The following LZTS1 variants were observed in gnomAD, a reference collection of about 807,000 sequenced individuals.
The protein encoded by LZTS1 is leucine zipper tumor suppressor 1, also known as leucine zipper putative tumor suppressor 1.
In LZTS1, 31 loss-of-function variants were observed where a neutral mutation model predicts 45.8. The ratio of observed to expected loss-of-function variants is 0.68; its 90% CI spans 0.51 to 0.91. The LOEUF is 0.91. Among genes scored for constraint, LZTS1 ranks in the 40% least tolerant of loss-of-function variants. The pLI is 0.00. For synonymous variants in LZTS1, 359 were observed against 357.3 expected, an observed-to-expected ratio of 1.00 and a Z score of -0.05; for missense variants, 821 against 788.9, an observed-to-expected ratio of 1.04 and a Z score of -0.49.
rs900477249 is a variant in LZTS1 at position 20,250,984 on chromosome 8, C to A, written c.1150-621G>T. 2.6e-5 allele frequency among the ~76,000 whole-genome samples: 4 copies of A among 150,992 alleles called. 1 individual carries two copies. In the East Asian group the frequency reaches 7.8e-4, roughly 29 times the overall value. Reference sequence around the variant, plus strand: ...CAAGCCATACATTTGCTCATCTATTCCTTACAACCCGATGAAGTAGGTACT... The same window carrying A: ...CAAGCCATACATTTGCTCATCTATTACTTACAACCCGATGAAGTAGGTACT... On this transcript the variant is annotated intron_variant, in intron 3 of 3. Transcript: ENST00000381569.
chr8:20,259,766 G>C (rs568786160), intron 1 of LZTS1, among the ~76,000 whole-genome samples: 3 of 152,240 alleles, frequency 2.0e-5, no homozygotes, highest in South Asian at 4.1e-4. Flanking sequence ...CTCAACTTGA[G>C]TCTCATGTCT....
At chr8:20,302,662 G>A (rs1476680460) in intron 1 of LZTS1, among the ~76,000 whole-genome samples, 2 of 152,188 alleles carry the variant, frequency 1.3e-5, no homozygotes, top group African/African-American at 4.8e-5. Flanking sequence ...AGAACTCAGT[G>A]CCTCCTCAGT....
Position 20,255,237 on chromosome 8 carries a change from G to T in LZTS1, c.-56C>A, listed in dbSNP as rs1800069130. ...CGGGCAGGGTCTTGGAAAGGCTGTGGCAGCAAGGGGCAGTCGTGGCTCCGT... is the reference window on the plus strand; with the variant it reads ...CGGGCAGGGTCTTGGAAAGGCTGTGTCAGCAAGGGGCAGTCGTGGCTCCGT... On this transcript the variant is annotated 5_prime_UTR_variant, in exon 2 of 4. Transcript: ENST00000381569. 3 of 1,549,560 alleles carry T rather than the reference G, an allele frequency of 1.9e-6. No homozygotes were observed. Among genetic ancestry groups the T allele is most frequent in the Admixed American group, 1.8e-5 (1 of 54,848 alleles).
intron 1 of LZTS1, among the ~76,000 whole-genome samples, chr8:20,275,314 A>G (rs1331461682): frequency 6.7e-6 from 1 of 150,162 alleles, no homozygotes; most frequent in Non-Finnish European, 1.5e-5. Context: ...AGGCAGGAGA[A>G]TCACTTGAAC....
At chr8:20,294,103 G>C (rs1036920749) in intron 1 of LZTS1, among the ~76,000 whole-genome samples, 5 of 152,168 alleles carry the variant, frequency 3.3e-5, no homozygotes, top group Non-Finnish European at 5.9e-5. Flanking sequence ...CTGAGGTGTT[G>C]TGTTTGCATG....
At chr8:20,252,717 A>T (rs150641386) in intron 3 of LZTS1, 65 bp downstream of exon 3, 1 of 1,409,426 alleles carries the variant, frequency 7.1e-7, no homozygotes, top group Non-Finnish European at 9.5e-7. Context: ...CGGCACCAGA[A>T]GGAGAGGGGG....
Position 20,250,265 on chromosome 8 carries a change from C to T in LZTS1, c.1248G>A (p.Lys416=). 1 of 1,613,922 alleles carries T rather than the reference C, an allele frequency of 6.2e-7. No homozygotes were observed. Among genetic ancestry groups the T allele is most frequent in the Admixed American group, 1.7e-5 (1 of 60,038 alleles). The part of the protein sequence containing the change: ...NAKASEILGL[K]AQLKDTRGKL... ...TGCCCCGCGTGTCCTTCAGCTGTGC[C>T]TTGAGACCCAGGATCTCGCTAGCCT... The change falls in exon 4 of 4, where the codon AAG becomes AAA. Residue 416 remains lysine, a synonymous_variant. Coordinates refer to ENST00000381569, the MANE Select transcript of LZTS1 (RefSeq NM_021020.5).
At chr8:20,255,614 C>G (rs1800080172) in intron 1 of LZTS1, among the ~76,000 whole-genome samples, 1 of 152,088 alleles carries the variant, frequency 6.6e-6, no homozygotes, top group Admixed American at 6.5e-5. Flanking sequence ...AGAAGCAAAC[C>G]AATGTATACT....
intron 1 of LZTS1, among the ~76,000 whole-genome samples, chr8:20,284,203 C>T (rs892401045): frequency 5.9e-5 from 9 of 152,190 alleles, no homozygotes; most frequent in African/African-American, 2.2e-4. Flanking sequence ...GATCAGCAAA[C>T]AAACACGCTT....
At chr8:20,268,419 A>T (rs1278769900) in intron 1 of LZTS1, among the ~76,000 whole-genome samples, 1 of 150,934 alleles carries the variant, frequency 6.6e-6, no homozygotes, top group African/African-American at 2.4e-5. Flanking sequence ...CCCTCCCCCC[A>T]TACATACTCT....
rs190675749 is a variant in LZTS1, at chr8:20,298,022, T to G, written c.-135+5718A>C. Among the ~76,000 whole-genome samples the G allele has an allele frequency of 2.7e-3, 414 of 152,262 alleles. 1 individual carries two copies. The highest frequency in any genetic ancestry group is 3.9e-3 in the Non-Finnish European group (266 of 68,030). ...GGTGTTCATATCTCAGCATTCCTCT[T>G]AAAAATCTTGCATAAACTCTTTCAC... On this transcript the variant is annotated intron_variant, in intron 1 of 3. Transcript: ENST00000381569.
intron 1 of LZTS1, among the ~76,000 whole-genome samples, chr8:20,280,749 C>T (rs373892906): frequency 1.3e-5 from 2 of 152,146 alleles, no homozygotes; most frequent in African/African-American, 4.8e-5. Flanking sequence ...GACATCACTC[C>T]GGACAGACCC....
chr8:20,270,966 T>A (rs560992737), intron 1 of LZTS1, among the ~76,000 whole-genome samples: 1 of 151,982 alleles, frequency 6.6e-6, no homozygotes, highest in East Asian at 1.9e-4. Context: ...TGACTTTGGG[T>A]GCTGGAAATG....
At chr8:20,281,532 T>C (rs891520645) in intron 1 of LZTS1, among the ~76,000 whole-genome samples, 4 of 152,110 alleles carry the variant, frequency 2.6e-5, no homozygotes, top group Non-Finnish European at 5.9e-5. Flanking sequence ...GATCGCACCA[T>C]TGCACTCCAG....
At chr8:20,275,271 G>A (rs1216627060) in intron 1 of LZTS1, among the ~76,000 whole-genome samples, 1 of 151,844 alleles carries the variant, frequency 6.6e-6, no homozygotes, top group Non-Finnish European at 1.5e-5. Flanking sequence ...GTGTGGTGGC[G>A]GGCAGCTGTA....
chr8:20,293,107 C>A (rs139034561), intron 1 of LZTS1, among the ~76,000 whole-genome samples: 1 of 152,062 alleles, frequency 6.6e-6, no homozygotes, highest in Admixed American at 6.6e-5. Flanking sequence ...CTAGGAGATA[C>A]GAGATGAAGA....
chr8:20,250,453 A>C, intron 3 of LZTS1, 90 bp from the exon 4 acceptor site: 1 of 1,327,798 alleles, frequency 7.5e-7, no homozygotes, highest in Non-Finnish European at 1.0e-6. Context: ...TAACCAAGCC[A>C]CTCCGGATGC....
At chr8:20,287,634 C>T (rs1800815098) in intron 1 of LZTS1, among the ~76,000 whole-genome samples, 1 of 152,080 alleles carries the variant, frequency 6.6e-6, no homozygotes, top group Admixed American at 6.5e-5. Context: ...AGAAAGAATG[C>T]TGCTGCCCGG....
At position 20,254,927 on chromosome 8, in the gene LZTS1, C is replaced by T; in HGVS notation, c.255G>A (p.Leu85=). The T allele has an allele frequency of 6.2e-7, 1 of 1,614,232 alleles. No individual in the cohort carries two copies. The part of the protein sequence containing the change: ...RGSHHPDYTA[L]SSGDLGGQAG... ...CCTGGCCCCCTAAATCCCCGCTGGACAGTGCCGTGTAATCTGGGTGATGGG... is the reference window on the plus strand; with the variant it reads ...CCTGGCCCCCTAAATCCCCGCTGGATAGTGCCGTGTAATCTGGGTGATGGG... Residue 85 remains leucine (L), a synonymous_variant, in exon 2 of 4, where the codon CTG becomes CTA. Transcript: ENST00000381569.
Sources: allele counts gnomAD v4.1 joint callset (sites outside exome capture counted in the v4.1 genomes callset), GRCh38; gene constraint gnomAD v4.1.1; transcripts MANE v1.5; gene names NCBI Gene and HGNC (gene_info 2026-07-23, HGNC 2026-07-21).